MSH4: variants seen among roughly 807,000 people sequenced by gnomAD.
The protein encoded by MSH4 is mutS homolog 4, also known as mutS protein homolog 4.
In MSH4, 106 loss-of-function variants were observed where a neutral mutation model predicts 113.7. That is an observed-to-expected ratio of 0.93 (90% CI 0.80 to 1.10). MSH4 has a LOEUF of 1.10. MSH4 is among the 50% of genes least tolerant of loss of function. The pLI is 0.00. For synonymous variants in MSH4, 368 were observed against 380.2 expected (o/e 0.97, Z 0.37); for missense variants, 1,061 against 1,093.7 (o/e 0.97, Z 0.42).
At chr1:75,826,111 G>A (rs570477639) in intron 7 of MSH4, among the ~76,000 whole-genome samples, 4 of 152,036 alleles carry the variant, frequency 2.6e-5, no homozygotes, top group Non-Finnish European at 5.9e-5. Context: ...TTTTTGGTTG[G>A]TGGGCTATTA....
At chr1:75,859,659 C>T (rs921424062) in intron 8 of MSH4, among the ~76,000 whole-genome samples, 4 of 152,142 alleles carry the variant, frequency 2.6e-5, no homozygotes, top group African/African-American at 9.7e-5. Flanking sequence ...TATACATTTG[C>T]TGAGGAGTGT....
intron 7 of MSH4, among the ~76,000 whole-genome samples, chr1:75,838,498 T>A (rs57765106): frequency 0.021 from 3,224 of 152,280 alleles, 120 homozygotes; most frequent in African/African-American, 0.074. Flanking sequence ...GAAGCAGATC[T>A]CTTTGGGGGT....
At chr1:75,877,688 T>C (rs904048189) in intron 10 of MSH4, among the ~76,000 whole-genome samples, 1 of 152,220 alleles carries the variant, frequency 6.6e-6, no homozygotes, top group Non-Finnish European at 1.5e-5. Flanking sequence ...CCTGTTACGC[T>C]GTCTACATAT....
At chr1:75,806,235 G>GTTTTTTTTT (rs775023850) in intron 2 of MSH4, among the ~76,000 whole-genome samples, 1 of 60,748 alleles carries the variant, frequency 1.6e-5, no homozygotes, top group Non-Finnish European at 2.7e-5. Flanking sequence ...TTTCTGTTTG[G>GTTTTTTTTT]TTTTTTTTTT....
intron 8 of MSH4, among the ~76,000 whole-genome samples, chr1:75,855,013 G>T (rs1400369571): frequency 4.7e-5 from 7 of 149,186 alleles, no homozygotes; most frequent in African/African-American, 1.7e-4. Flanking sequence ...ACTTTATATA[G>T]ATAATTAGTA....
intron 9 of MSH4, 59 bp from the exon 10 acceptor site, chr1:75,876,877 T>C: frequency 1.1e-6 from 1 of 935,862 alleles, no homozygotes; most frequent in Non-Finnish European, 1.6e-6. Flanking sequence ...TGTAAAATGA[T>C]ATGTTTGAAT....
rs750051320 is a variant in MSH4 at position 75,890,745 on chromosome 1, A to C, written c.2276A>C (p.Asp759Ala). The change falls in exon 17 of 20, where the codon GAT becomes GCT. Residue 759 changes from aspartate to alanine, a missense_variant. Asp to Ala is a moderately radical substitution (Grantham distance 126). Coordinates refer to ENST00000263187, the MANE Select transcript of MSH4 (RefSeq NM_002440.4). ...AATGACAAATCGCTCATATTAATTG[A>C]TGAACTTGGCAGAGGTACTAATACG... The part of the protein sequence containing the change: ...NANDKSLILI[D>A]ELGRGTNTEE... 6.2e-7 allele frequency: 1 copy of C among 1,609,240 alleles called. No homozygotes were observed. The highest frequency in any genetic ancestry group is 2.2e-5 in the East Asian group (1 of 44,586).
At chr1:75,903,236 T>C (rs1308337497) in intron 19 of MSH4, among the ~76,000 whole-genome samples, 1 of 152,030 alleles carries the variant, frequency 6.6e-6, no homozygotes, top group African/African-American at 2.4e-5. Context: ...GTAAGAAATA[T>C]GAGTCTGGCT....
At chr1:75,830,025 A>G (rs985962622) in intron 7 of MSH4, among the ~76,000 whole-genome samples, 1 of 152,162 alleles carries the variant, frequency 6.6e-6, no homozygotes, top group Non-Finnish European at 1.5e-5. Context: ...CATAACAAAG[A>G]AGCTAAAAAC....
intron 19 of MSH4, among the ~76,000 whole-genome samples, chr1:75,906,938 A>G (rs1652672291): frequency 6.6e-6 from 1 of 150,500 alleles, no homozygotes; most frequent in South Asian, 2.1e-4. Flanking sequence ...GGTTCGCACC[A>G]TTCTCCTGCC....
chr1:75,886,768 A>T (rs897677720), intron 15 of MSH4, among the ~76,000 whole-genome samples: 2 of 140,864 alleles, frequency 1.4e-5, no homozygotes, highest in African/African-American at 2.6e-5. Context: ...TAAAATATGT[A>T]TATAGTTATT....
At chr1:75,909,354 GCTT>G (rs1167510252) in intron 19 of MSH4, among the ~76,000 whole-genome samples, 1 of 151,774 alleles carries the variant, frequency 6.6e-6, no homozygotes, top group Non-Finnish European at 1.5e-5. Flanking sequence ...CTCAGATTTG[GCTT>G]CTAAAATGTT....
chr1:75,863,488 C>CCA (rs2100558158), intron 8 of MSH4, among the ~76,000 whole-genome samples: 1 of 152,062 alleles, frequency 6.6e-6, no homozygotes, highest in South Asian at 2.1e-4. Context: ...TTTACTTCCC[C>CCA]CTCTACTTTT....
intron 6 of MSH4, among the ~76,000 whole-genome samples, chr1:75,817,326 G>T (rs12065066): frequency 1.7e-4 from 26 of 151,756 alleles, no homozygotes; most frequent in African/African-American, 6.3e-4. Context: ...AATCAAAACC[G>T]CAGTTAGATA....
intron 1 of MSH4, 32 bp downstream of exon 1, chr1:75,797,261 G>T: frequency 6.3e-7 from 1 of 1,578,450 alleles, no homozygotes; most frequent in Non-Finnish European, 8.6e-7. Flanking sequence ...GAGTCTCCTT[G>T]AGGCTAGAGG....
chr1:75,898,715 A>T (rs1279791728), intron 18 of MSH4, among the ~76,000 whole-genome samples: 1 of 152,084 alleles, frequency 6.6e-6, no homozygotes, highest in Non-Finnish European at 1.5e-5. Flanking sequence ...GATACTTTCT[A>T]TTTAAATCAT....
intron 7 of MSH4, among the ~76,000 whole-genome samples, chr1:75,830,689 T>A (rs1050028782): frequency 2.0e-5 from 3 of 152,276 alleles, no homozygotes; most frequent in African/African-American, 7.2e-5. Context: ...CCAGCCAAAC[T>A]AAGCTTCATA....
chr1:75,841,638 A>AT (rs1268412227), intron 7 of MSH4, among the ~76,000 whole-genome samples: 1 of 152,116 alleles, frequency 6.6e-6, no homozygotes, highest in Admixed American at 6.6e-5. Context: ...AAGGAGTTTA[A>AT]TTTTTTTCCT....
chr1:75,874,981 C>T (rs780653596), intron 9 of MSH4, among the ~76,000 whole-genome samples: 17 of 152,138 alleles, frequency 1.1e-4, no homozygotes, highest in Non-Finnish European at 2.2e-4. Flanking sequence ...CAACGTTTGC[C>T]TCCCAGGCTC....
Sources: allele counts gnomAD v4.1 joint callset (sites outside exome capture counted in the v4.1 genomes callset), GRCh38; gene constraint gnomAD v4.1.1; transcripts MANE v1.5; gene names NCBI Gene and HGNC (gene_info 2026-07-23, HGNC 2026-07-21).